Variants in SEBOX observed in about 807,000 individuals in gnomAD.
The protein encoded by SEBOX is homeobox protein SEBOX.
SEBOX carries 10 observed loss-of-function variants against 7.8 expected under a neutral mutation model. That is an observed-to-expected ratio of 1.28 (90% CI 0.79 to 2.17). The LOEUF is 2.17. Among genes scored for constraint, SEBOX ranks in the 30% most tolerant of loss-of-function variants. SEBOX has a pLI of 0.00. For missense variants in SEBOX, 240 were observed against 239.5 expected, an observed-to-expected ratio of 1.00 and a Z score of -0.01; for synonymous variants, 98 against 91.5, an observed-to-expected ratio of 1.07 and a Z score of -0.40.
Position 28,364,907 on chromosome 17 carries a change from C to G in SEBOX, c.80G>C (p.Ser27Thr), listed in dbSNP as rs2067896457. 6.2e-7 allele frequency: 1 copy of G among 1,613,740 alleles called. No individual in the cohort carries two copies. Among genetic ancestry groups the G allele is most frequent in the Non-Finnish European group, 8.5e-7 (1 of 1,179,786 alleles). ...CTCCAGCTCCAGTAGCTGCCCTTTG[C>G]TGAAGGTGGTCCGCTTTCTCCGGTG... ...GSHRRKRTTF[S>T]KGQLLELERA... Residue 27 changes from serine to threonine, a missense_variant, in exon 2 of 3, where the codon AGC (serine) becomes ACC (threonine). Transcript: ENST00000536498.
chr17:28,364,102 G>A lies in SEBOX; in HGVS notation c.*166C>T, dbSNP rs1245419223. 6.6e-6 allele frequency among the ~76,000 whole-genome samples: 1 copy of A among 152,210 alleles called. No homozygotes were observed. The highest frequency in any genetic ancestry group is 1.5e-5 in the Non-Finnish European group (1 of 68,026). On this transcript the variant is annotated 3_prime_UTR_variant, in exon 3 of 3. Transcript: ENST00000536498. The stretch of plus-strand genomic sequence containing the variant: ...TAGGACCTGCATCTAGGCTGGCCTG[G>A]AGGCCAGTGGAAGGGAGGGATGCCT...
Position 28,364,896 on chromosome 17 carries a change from G to A in SEBOX, c.91C>T (p.Leu31=). 1 of 1,613,816 alleles carries A rather than the reference G, an allele frequency of 6.2e-7. No individual in the cohort carries two copies. ...RKRTTFSKGQ[L]LELERAFAAW... ...GCAAACGCCCTCTCCAGCTCCAGTA[G>A]CTGCCCTTTGCTGAAGGTGGTCCGC... Residue 31 remains leucine (L), a synonymous_variant, in exon 2 of 3, where the codon CTA becomes TTA. Transcript: ENST00000536498.
In SEBOX at chr17:28,364,268, C is replaced by G. The variant is rs1555582597; in HGVS notation, c.573G>C (p.Ter191TyrextTer64). 6.2e-7 allele frequency: 1 copy of G among 1,605,304 alleles called. No homozygotes were observed. Among genetic ancestry groups the G allele is most frequent in the Middle Eastern group, 1.7e-4 (1 of 6,046 alleles). ...LAIVVNVDHS[*>Y] Reference sequence around the variant, plus strand: ...GGGCCTTGCAAGTTCTGGACAAAGACTAGGAGTGGTCCACATTGACGACAA... The same window carrying G: ...GGGCCTTGCAAGTTCTGGACAAAGAGTAGGAGTGGTCCACATTGACGACAA... Residue 191 changes from the stop codon to tyrosine (Y), a stop_lost, in exon 3 of 3, where the codon TAG (stop) becomes TAC (tyrosine). Transcript: ENST00000536498.
intron 1 of SEBOX, 23 bp from the exon 2 acceptor site, chr17:28,364,978 A>C: frequency 1.2e-6 from 2 of 1,602,098 alleles, no homozygotes; most frequent in Non-Finnish European, 1.7e-6. Context: ...GTGGGGGTCA[A>C]GCTGGGACTC....
Position 28,364,413 on chromosome 17 carries a change from C to G in SEBOX, c.428G>C (p.Gly143Ala). ...PGLSPRQGWE[G>A]AKAVAPWGSA... ...TCCCCATGGGGCTACAGCTTTAGCC[C>G]CTTCCCAGCCCTGCCGTGGACTCAA... Residue 143 changes from glycine (G) to alanine (A), a missense_variant, in exon 3 of 3, where the codon GGG becomes GCG. By Grantham distance (60) the Gly-to-Ala change is moderately conservative. Transcript: ENST00000536498. 1 of 1,590,038 alleles carries G rather than the reference C, an allele frequency of 6.3e-7. No homozygotes were observed. The highest frequency in any genetic ancestry group is 8.6e-7 in the Non-Finnish European group (1 of 1,167,884).
At chr17:28,364,981 T>C (rs1232805371) in intron 1 of SEBOX, 26 bp from the exon 2 acceptor site, 8 of 1,599,098 alleles carry the variant, frequency 5.0e-6, no homozygotes, top group South Asian at 4.5e-5. Context: ...GGGGTCAAGC[T>C]GGGACTCCCT....
In SEBOX at chr17:28,364,944, C is replaced by T. The variant is rs782475720; in HGVS notation, c.43G>A (p.Gly15Arg). The T allele has an allele frequency of 1.7e-5, 28 of 1,610,790 alleles. No homozygotes were observed. The highest frequency in any genetic ancestry group is 4.5e-5 in the East Asian group (2 of 44,748). ...CGCTTTCTCCGGTGGGAACCCAACCCGCTGCCACCGTCTGCAGGCCATGGT... is the reference window on the plus strand; with the variant it reads ...CGCTTTCTCCGGTGGGAACCCAACCTGCTGCCACCGTCTGCAGGCCATGGT... The part of the protein sequence containing the change: ...VDASSADGGS[G>R]LGSHRRKRTT... The change falls in exon 2 of 3, where the codon GGG (glycine) becomes AGG (arginine). Residue 15 changes from glycine to arginine, a missense_variant. Transcript: ENST00000536498.
Position 28,364,462 on chromosome 17 carries a change from G to C in SEBOX, c.379C>G (p.His127Asp). 1.2e-6 allele frequency: 2 copies of C among 1,605,662 alleles called. No homozygotes were observed. The highest frequency in any genetic ancestry group is 1.7e-6 in the Non-Finnish European group (2 of 1,175,616). ...AAGCCAGGAGCTGGACAGGAGCTAT[G>C]TCGACACACTGAGGTGCGCTGAGGT... ...GTPQRTSVCR[H>D]SSCPAPGLSP... is the part of the protein sequence containing the mutation. Residue 127 changes from histidine to aspartate, a missense_variant, in exon 3 of 3, where the codon CAT (histidine) becomes GAT (aspartate). Transcript: ENST00000536498.
Position 28,364,289 on chromosome 17 carries a change from G to A in SEBOX, c.552C>T (p.Val184=), listed in dbSNP as rs781840718. 2.9e-5 allele frequency: 47 copies of A among 1,607,294 alleles called. No homozygotes were observed. The Admixed American group carries it at 6.1e-4, about 21-fold the overall frequency. The stretch of plus-strand genomic sequence containing the variant: ...AAGACTAGGAGTGGTCCACATTGAC[G>A]ACAATGGCCAAGGCATAGATGAGGT... ...LSDLIYALAI[V]VNVDHS is the part of the protein sequence containing the mutation. Residue 184 remains valine, a synonymous_variant, in exon 3 of 3, where the codon GTC becomes GTT. Coordinates refer to ENST00000536498, the MANE Select transcript of SEBOX (RefSeq NM_001080837.4).
chr17:28,365,084 C>T (rs199716260), intron 1 of SEBOX, 37 bp downstream of exon 1: 21 of 1,587,826 alleles, frequency 1.3e-5, no homozygotes, highest in East Asian at 6.8e-5. Flanking sequence ...CCATGGCCTG[C>T]GTTCTCACCC....
rs1485641234 is a variant in SEBOX at position 28,365,188 on chromosome 17, C to T, written c.-37G>A. ...AGGGTAAGGTGCCAGAGGGCCGTGC[C>T]AGAGGGCCATGCCAGGGCTGTGCCC... On this transcript the variant is annotated 5_prime_UTR_variant, in exon 1 of 3. An upstream open reading frame in the 5' UTR gains an earlier in-frame stop. Transcript: ENST00000536498. The T allele has an allele frequency of 5.6e-6, 9 of 1,612,582 alleles. No homozygotes were observed. The highest frequency in any genetic ancestry group is 7.6e-6 in the Non-Finnish European group (9 of 1,179,496).
In SEBOX at chr17:28,364,548, T is replaced by G. The variant is rs1555582699; in HGVS notation, c.293A>C (p.Asp98Ala). 1 of 1,592,630 alleles carries G rather than the reference T, an allele frequency of 6.3e-7. No homozygotes were observed. The highest frequency in any genetic ancestry group is 8.6e-7 in the Non-Finnish European group (1 of 1,167,478). The change falls in exon 3 of 3, where the codon GAC becomes GCC. Residue 98 changes from aspartate to alanine, a missense_variant. By Grantham distance (126) the Asp-to-Ala change is moderately radical. Coordinates refer to ENST00000536498, the MANE Select transcript of SEBOX (RefSeq NM_001080837.4). ...ECPQSSCSLP[D>A]TLQQPWDPQM... ...GGGATCCCAGGGCTGCTGGAGGGTG[T>G]CTGGAAGAGAACAGGAGCTCTGGGG...
Position 28,364,626 on chromosome 17 carries a change from G to T in SEBOX, c.215C>A (p.Ala72Asp), listed in dbSNP as rs2067893090. ...KVQVWFQKRW[A>D]KIIKNRKSGI... ...TGACTTCCTGTTCTTGATTATTTTG[G>T]CCCAGCGCTTCTGGAACCACACCTG... The change falls in exon 3 of 3, where the codon GCC becomes GAC. Residue 72 changes from alanine (A) to aspartate (D), a missense_variant. Physicochemically the swap from Ala to Asp is moderately radical, Grantham distance 126. Transcript: ENST00000536498. The T allele has an allele frequency of 6.5e-7, 1 of 1,546,160 alleles. No individual in the cohort carries two copies. The highest frequency in any genetic ancestry group is 2.3e-5 in the East Asian group (1 of 44,380).
rs1299157026 is a variant in SEBOX at position 28,364,270 on chromosome 17, A to G, written c.571T>C (p.Ter191GlnextTer64). ...LAIVVNVDHS* is the reference protein window; with the variant it reads ...LAIVVNVDHSQ ...GCCTTGCAAGTTCTGGACAAAGACTAGGAGTGGTCCACATTGACGACAATG... is the reference window on the plus strand; with the variant it reads ...GCCTTGCAAGTTCTGGACAAAGACTGGGAGTGGTCCACATTGACGACAATG... The change falls in exon 3 of 3, where the codon TAG (stop) becomes CAG (glutamine). Residue 191 changes from the stop codon to glutamine, a stop_lost. Coordinates refer to ENST00000536498, the MANE Select transcript of SEBOX (RefSeq NM_001080837.4). 1 of 1,606,142 alleles carries G rather than the reference A, an allele frequency of 6.2e-7. No individual in the cohort carries two copies. Among genetic ancestry groups the G allele is most frequent in the African/African-American group, 1.3e-5 (1 of 74,964 alleles).
Position 28,364,872 on chromosome 17 carries a change from C to T in SEBOX, c.115G>A (p.Ala39Thr). ...GQLLELERAF[A>T]AWPYPNISTH... ...CTGATGTTGGGGTAGGGCCATGCTG[C>T]AAACGCCCTCTCCAGCTCCAGTAGC... is the stretch of plus-strand genomic sequence containing the variant. Residue 39 changes from alanine to threonine, a missense_variant, in exon 2 of 3, where the codon GCA becomes ACA. Coordinates refer to ENST00000536498, the MANE Select transcript of SEBOX (RefSeq NM_001080837.4). 6.2e-7 allele frequency: 1 copy of T among 1,613,898 alleles called. No individual in the cohort carries two copies. The highest frequency in any genetic ancestry group is 8.5e-7 in the Non-Finnish European group (1 of 1,179,854).
rs782368722 is a variant in SEBOX, at chr17:28,364,226, C to T, written c.*42G>A. On this transcript the variant is annotated 3_prime_UTR_variant, in exon 3 of 3. Coordinates refer to ENST00000536498, the MANE Select transcript of SEBOX (RefSeq NM_001080837.4). ...CAATCCCAGGAGGGGCAGGGTGGGC[C>T]ACAGGAGTCAGAGGAGGGGCCTTGC... The T allele has an allele frequency of 5.1e-6, 8 of 1,561,860 alleles. No homozygotes were observed. In the African/African-American group the frequency reaches 9.4e-5, roughly 18 times the overall value.
In SEBOX at chr17:28,364,247, C is replaced by T. The variant is rs1261528202; in HGVS notation, c.*21G>A. 3 of 1,586,834 alleles carry T rather than the reference C, an allele frequency of 1.9e-6. No homozygotes were observed. Among genetic ancestry groups the T allele is most frequent in the South Asian group, 1.1e-5 (1 of 86,976 alleles). On this transcript the variant is annotated 3_prime_UTR_variant, in exon 3 of 3. Transcript: ENST00000536498. ...GGGCCACAGGAGTCAGAGGAGGGGC[C>T]TTGCAAGTTCTGGACAAAGACTAGG...
At position 28,364,892 on chromosome 17, in the gene SEBOX, A is replaced by T. The variant is rs1555582780; in HGVS notation, c.95T>A (p.Leu32Gln). 6.2e-7 allele frequency: 1 copy of T among 1,613,832 alleles called. No homozygotes were observed. The highest frequency in any genetic ancestry group is 8.5e-7 in the Non-Finnish European group (1 of 1,179,850). ...KRTTFSKGQLLELERAFAAWP... is the reference protein window; with the variant it reads ...KRTTFSKGQLQELERAFAAWP... ...TGCTGCAAACGCCCTCTCCAGCTCC[A>T]GTAGCTGCCCTTTGCTGAAGGTGGT... is the stretch of plus-strand genomic sequence containing the variant. Residue 32 changes from leucine (L) to glutamine (Q), a missense_variant, in exon 2 of 3, where the codon CTG (leucine) becomes CAG (glutamine). Transcript: ENST00000536498.
Position 28,364,651 on chromosome 17 carries a change from G to A in SEBOX, c.193-3C>T. On this transcript the variant is annotated splice_polypyrimidine_tract_variant and splice_region_variant and intron_variant, in intron 2 of 2. Transcript: ENST00000536498. ...GCCCAGCGCTTCTGGAACCACACCT[G>A]CTAGGAAAGAAGAAGGGGTCTGTTC... The A allele has an allele frequency of 6.5e-7, 1 of 1,545,334 alleles. No individual in the cohort carries two copies. Among genetic ancestry groups the A allele is most frequent in the Admixed American group, 2.1e-5 (1 of 48,150 alleles).
Sources: allele counts gnomAD v4.1 joint callset (sites outside exome capture counted in the v4.1 genomes callset), GRCh38; gene constraint gnomAD v4.1.1; transcripts MANE v1.5; gene names NCBI Gene and HGNC (gene_info 2026-07-23, HGNC 2026-07-21).